The following FRMD5 variants were observed in gnomAD, a reference collection of about 807,000 sequenced individuals.
The protein encoded by FRMD5 is FERM domain-containing protein 5.
In FRMD5, 20 loss-of-function variants were observed where a neutral mutation model predicts 69.0. The ratio of observed to expected loss-of-function variants is 0.29; its 90% CI spans 0.20 to 0.42. The LOEUF (loss-of-function observed/expected upper bound fraction) is 0.42. Ranked by LOEUF, FRMD5 falls within the 10% of genes least tolerant of loss-of-function variation. The pLI is 1.00. For missense variants in FRMD5, 595 were observed against 708.6 expected (o/e 0.84, Z 1.82); for synonymous variants, 271 against 260.1 (o/e 1.04, Z -0.40).
intron 1 of FRMD5, among the ~76,000 whole-genome samples, chr15:44,020,634 C>A (rs1053167566): frequency 6.6e-6 from 1 of 152,162 alleles, no homozygotes; most frequent in South Asian, 2.1e-4. Context: ...GACTTCTTTG[C>A]TAAATCAATG....
At chr15:43,956,614 G>C (rs1057214385) in intron 1 of FRMD5, among the ~76,000 whole-genome samples, 12 of 152,118 alleles carry the variant, frequency 7.9e-5, no homozygotes, top group African/African-American at 2.9e-4. Context: ...CTTGGGTCAC[G>C]GGTTAACTAA....
intron 1 of FRMD5, among the ~76,000 whole-genome samples, chr15:44,063,066 A>C (rs1893160560): frequency 6.6e-6 from 1 of 152,152 alleles, no homozygotes; most frequent in African/African-American, 2.4e-5. Context: ...TTCTTTTTCA[A>C]AATTGTTTTG....
At chr15:44,147,636 G>T (rs759419490) in intron 1 of FRMD5, among the ~76,000 whole-genome samples, 73 of 152,250 alleles carry the variant, frequency 4.8e-4, no homozygotes, top group Middle Eastern at 6.8e-3. Context: ...ACCAGTACAG[G>T]TAAGGATTTT....
intron 12 of FRMD5, 26 bp downstream of exon 12, chr15:43,884,701 T>G (rs372213408): frequency 6.2e-7 from 1 of 1,607,272 alleles, no homozygotes; most frequent in Non-Finnish European, 8.5e-7. Flanking sequence ...CTACAACTGT[T>G]TGGGGGGAAG....
chr15:44,151,875 A>T (rs1247902627), intron 1 of FRMD5, among the ~76,000 whole-genome samples: 3 of 152,212 alleles, frequency 2.0e-5, no homozygotes, highest in African/African-American at 7.2e-5. Flanking sequence ...AATATATAGT[A>T]AACTCCTAAA....
rs117833346 is a variant in FRMD5 at position 44,169,941 on chromosome 15, C to A, written c.102+25012G>T. Among the ~76,000 whole-genome samples the A allele has an allele frequency of 9.5e-3, 1,440 of 152,194 alleles. 9 individuals are homozygous for A. Among genetic ancestry groups the A allele is most frequent in the Non-Finnish European group, 0.017 (1,127 of 68,002 alleles). On this transcript the variant is annotated intron_variant, in intron 1 of 13. Coordinates refer to ENST00000417257, the MANE Select transcript of FRMD5 (RefSeq NM_032892.5). Reference sequence around the variant, plus strand: ...ATAATATTCAGCCTTTCACTTATTGCCTGTGTATAGAACTACTACATACTC... The same window carrying A: ...ATAATATTCAGCCTTTCACTTATTGACTGTGTATAGAACTACTACATACTC...
chr15:43,986,499 TGAA>T (rs1164938140), intron 1 of FRMD5, among the ~76,000 whole-genome samples: 1 of 152,188 alleles, frequency 6.6e-6, no homozygotes, highest in Non-Finnish European at 1.5e-5. Flanking sequence ...ACGAAACGTA[TGAA>T]GATGTCCCAG....
intron 1 of FRMD5, among the ~76,000 whole-genome samples, chr15:44,150,362 T>C (rs1296171003): frequency 1.3e-5 from 2 of 152,030 alleles, no homozygotes; most frequent in South Asian, 2.1e-4. Context: ...AGATATAAAA[T>C]TGTTTGTTTA....
At chr15:44,110,055 A>C (rs979916471) in intron 1 of FRMD5, among the ~76,000 whole-genome samples, 2 of 152,012 alleles carry the variant, frequency 1.3e-5, no homozygotes, top group Non-Finnish European at 2.9e-5. Flanking sequence ...TATTTACTGT[A>C]AATTTTTTGT....
chr15:43,930,248 T>C (rs923526198), intron 1 of FRMD5, among the ~76,000 whole-genome samples: 3 of 152,214 alleles, frequency 2.0e-5, no homozygotes, highest in Non-Finnish European at 4.4e-5. Context: ...AGGCTGCAGC[T>C]AGAAGAGCAG....
intron 13 of FRMD5, among the ~76,000 whole-genome samples, chr15:43,874,995 C>T (rs1173911764): frequency 1.3e-5 from 2 of 152,044 alleles, no homozygotes; most frequent in East Asian, 1.9e-4. Flanking sequence ...GTAAGGAGTT[C>T]GAGACCAGCC....
At chr15:44,044,398 T>G (rs908221750) in intron 1 of FRMD5, among the ~76,000 whole-genome samples, 1 of 152,168 alleles carries the variant, frequency 6.6e-6, no homozygotes, top group Non-Finnish European at 1.5e-5. Context: ...AAATACAATT[T>G]GACCCAGCAA....
At chr15:44,176,525 T>C (rs556147493) in intron 1 of FRMD5, among the ~76,000 whole-genome samples, 12 of 152,260 alleles carry the variant, frequency 7.9e-5, no homozygotes, top group Non-Finnish European at 1.5e-4. Context: ...AATAAGATTA[T>C]TAAATTGGAC....
chr15:44,049,973 A>C lies in FRMD5; in HGVS notation c.103-125664T>G, dbSNP rs553526499. 5.9e-5 allele frequency among the ~76,000 whole-genome samples: 9 copies of C among 152,280 alleles called. No homozygotes were observed. In the South Asian group the frequency reaches 1.9e-3, roughly 32 times the overall value. On this transcript the variant is annotated intron_variant, in intron 1 of 13. Transcript: ENST00000417257. Reference sequence around the variant, plus strand: ...TGTCTTGTCTCCAGCACTAAACAATAATCTTCTTGTGGGCAGGATCTATGT... The same window carrying C: ...TGTCTTGTCTCCAGCACTAAACAATCATCTTCTTGTGGGCAGGATCTATGT...
intron 13 of FRMD5, among the ~76,000 whole-genome samples, chr15:43,881,399 G>A (rs1200315707): frequency 4.6e-5 from 7 of 152,234 alleles, no homozygotes; most frequent in Non-Finnish European, 1.0e-4. Context: ...GTCAGCCTAA[G>A]ATGGGAGGAA....
At chr15:44,189,636 G>A (rs1377111968) in intron 1 of FRMD5, among the ~76,000 whole-genome samples, 3 of 151,956 alleles carry the variant, frequency 2.0e-5, no homozygotes, top group Non-Finnish European at 4.4e-5. Flanking sequence ...TTACAGGCAT[G>A]TAACAGCACA....
intron 8 of FRMD5, among the ~76,000 whole-genome samples, chr15:43,891,307 G>A (rs1014027295): frequency 1.3e-5 from 2 of 152,208 alleles, no homozygotes; most frequent in African/African-American, 4.8e-5. Context: ...AGAGGAAGCA[G>A]CTCAGAGTAG....
intron 1 of FRMD5, among the ~76,000 whole-genome samples, chr15:44,132,559 G>A (rs2077116989): frequency 1.3e-5 from 2 of 152,026 alleles, no homozygotes; most frequent in Admixed American, 1.3e-4. Flanking sequence ...CTCCCAAGTA[G>A]TTGGGACTAC....
chr15:43,940,798 TG>T (rs747239096), intron 1 of FRMD5, among the ~76,000 whole-genome samples: 8 of 152,150 alleles, frequency 5.3e-5, no homozygotes, highest in Non-Finnish European at 1.0e-4. Context: ...GAATTAGGAA[TG>T]GAGGATAATT....
Sources: gnomAD v4.1 joint callset for allele counts (sites outside exome capture counted in the v4.1 genomes callset) on GRCh38, gnomAD v4.1.1 for gene constraint, MANE v1.5 for transcripts, NCBI Gene and HGNC (gene_info 2026-07-23, HGNC 2026-07-21) for gene names.